IL1RAPL1: variants seen among roughly 807,000 people sequenced by gnomAD.
IL1RAPL1 encodes the protein interleukin-1 receptor accessory protein-like 1.
In IL1RAPL1, 3 loss-of-function variants were observed where a neutral mutation model predicts 48.4. The observed-to-expected ratio is 0.06, with a 90% CI of 0.03 to 0.16. The LOEUF (loss-of-function observed/expected upper bound fraction) is 0.16, where lower values mean the gene tolerates loss of function less well. Among genes scored for constraint, IL1RAPL1 ranks in the 10% least tolerant of loss-of-function variants. The pLI, the probability that IL1RAPL1 is intolerant of heterozygous loss-of-function variation, is 1.00. For missense variants in IL1RAPL1, 349 were observed against 530.6 expected, an observed-to-expected ratio of 0.66 and a Z score of 3.36; for synonymous variants, 185 against 187.7, an observed-to-expected ratio of 0.99 and a Z score of 0.12.
chrX:29,038,906 T>C (rs1008327018), intron 2 of IL1RAPL1, among the ~76,000 whole-genome samples: 1 of 111,496 alleles, frequency 9.0e-6, no homozygotes, highest in Non-Finnish European at 1.9e-5. Context: ...AATTTCAGTT[T>C]CTCTAAAGGA....
chrX:29,628,401 A>G (rs1430011685), intron 5 of IL1RAPL1, among the ~76,000 whole-genome samples: 5 of 111,959 alleles, frequency 4.5e-5, no homozygotes, highest in African/African-American at 1.6e-4. Context: ...TGCTGGTATT[A>G]TTGATGAGGG....
chrX:29,717,002 T>C (rs1179777768), intron 6 of IL1RAPL1, among the ~76,000 whole-genome samples: 2 of 111,100 alleles, frequency 1.8e-5, no homozygotes, highest in Non-Finnish European at 3.8e-5. Flanking sequence ...TATTTGCTAT[T>C]GAATATTGAT....
intron 2 of IL1RAPL1, among the ~76,000 whole-genome samples, chrX:28,963,396 A>G (rs1482945291): frequency 9.0e-6 from 1 of 111,235 alleles, no homozygotes; most frequent in Admixed American, 9.7e-5. Flanking sequence ...CATACCCCCA[A>G]TATATCTATA....
intron 8 of IL1RAPL1, among the ~76,000 whole-genome samples, 185 bp from the exon 9 acceptor site, chrX:29,941,466 T>C (rs1398816511): frequency 8.9e-6 from 1 of 112,131 alleles, no homozygotes; most frequent in Admixed American, 9.4e-5. Context: ...CTTATCTAGT[T>C]ACCAAGGAAA....
intron 5 of IL1RAPL1, among the ~76,000 whole-genome samples, chrX:29,421,088 T>C (rs1031172592): frequency 1.8e-5 from 2 of 112,059 alleles, no homozygotes; most frequent in Admixed American, 9.5e-5. Flanking sequence ...TTCAAAAAGA[T>C]TCACAATGTG....
chrX:29,682,713 C>A (rs1926495272), intron 6 of IL1RAPL1, among the ~76,000 whole-genome samples: 1 of 112,418 alleles, frequency 8.9e-6, no homozygotes, highest in Admixed American at 9.4e-5. Context: ...ATTTAGCATT[C>A]ACTCAGCTTT....
chrX:29,148,895 C>T (rs147494882), intron 2 of IL1RAPL1, among the ~76,000 whole-genome samples: 1,632 of 111,490 alleles, frequency 0.015, 37 homozygotes, highest in African/African-American at 0.05. Flanking sequence ...TAATACCAGC[C>T]TCTTTTTTGT....
At chrX:28,850,586 G>A (rs1167602364) in intron 2 of IL1RAPL1, among the ~76,000 whole-genome samples, 3 of 110,973 alleles carry the variant, frequency 2.7e-5, no homozygotes, top group Middle Eastern at 4.6e-3. Context: ...AGGTGAGATC[G>A]GTCTCTTGGC....
chrX:29,865,896 C>T (rs953626421), intron 6 of IL1RAPL1, among the ~76,000 whole-genome samples: 26 of 108,002 alleles, frequency 2.4e-4, no homozygotes, highest in Non-Finnish European at 4.4e-4. Flanking sequence ...GTGATCCACC[C>T]GCCTCGGCCT....
intron 5 of IL1RAPL1, among the ~76,000 whole-genome samples, chrX:29,633,075 A>G (rs1417777084): frequency 9.0e-6 from 1 of 111,576 alleles, no homozygotes; most frequent in African/African-American, 3.3e-5. Flanking sequence ...TAGTAGCACT[A>G]TTGGTAATAG....
chrX:29,107,018 A>G (rs1252295190), intron 2 of IL1RAPL1, among the ~76,000 whole-genome samples: 1 of 111,888 alleles, frequency 8.9e-6, no homozygotes, highest in African/African-American at 3.2e-5. Context: ...CTCTTTTTCT[A>G]TTCTTGAGCA....
At position 29,530,538 on chromosome X, in the gene IL1RAPL1, G is replaced by C. The variant is rs144139146; in HGVS notation, c.703+131230G>C. Reference sequence around the variant, plus strand: ...GGTATTTGTACACTGACCCCCATCGGTCATTGACTGAGGGCTTCTGGAGCA... The same window carrying C: ...GGTATTTGTACACTGACCCCCATCGCTCATTGACTGAGGGCTTCTGGAGCA... On this transcript the variant is annotated intron_variant, in intron 5 of 10. Coordinates refer to ENST00000378993, the MANE Select transcript of IL1RAPL1 (RefSeq NM_014271.4). Among the ~76,000 whole-genome samples the C allele has an allele frequency of 3.9e-3, 441 of 111,983 alleles. 4 individuals carry two copies. The highest frequency in any genetic ancestry group is 6.2e-3 in the Non-Finnish European group (330 of 53,167).
intron 2 of IL1RAPL1, among the ~76,000 whole-genome samples, chrX:29,173,219 C>G (rs1005907817): frequency 9.0e-6 from 1 of 110,719 alleles, no homozygotes; most frequent in African/African-American, 3.3e-5. Flanking sequence ...TATTCAGATG[C>G]CTTGTACAAA....
At chrX:29,667,366 T>C (rs1169012260) in intron 5 of IL1RAPL1, among the ~76,000 whole-genome samples, 1 of 112,437 alleles carries the variant, frequency 8.9e-6, no homozygotes, top group Admixed American at 9.4e-5. Flanking sequence ...GATAAGTATA[T>C]GTGGCCAACT....
chrX:29,918,143 A>AAT (rs1555935869), intron 7 of IL1RAPL1, among the ~76,000 whole-genome samples: 1 of 60,425 alleles, frequency 1.7e-5, no homozygotes, highest in Non-Finnish European at 2.8e-5. Context: ...AAAAAAAAAA[A>AAT]AATATATATA....
intron 5 of IL1RAPL1, among the ~76,000 whole-genome samples, chrX:29,555,327 G>A (rs186322004): frequency 7.2e-4 from 81 of 112,418 alleles, no homozygotes; most frequent in Admixed American, 1.1e-3. Context: ...AGGCCGTGAG[G>A]CAACCATTTT....
At chrX:28,965,958 ACT>A (rs1924910206) in intron 2 of IL1RAPL1, among the ~76,000 whole-genome samples, 1 of 55,815 alleles carries the variant, frequency 1.8e-5, no homozygotes, top group Non-Finnish European at 3.9e-5. Flanking sequence ...ACTAAAAAAT[ACT>A]CACGAAGCCC....
At chrX:28,930,238 T>C (rs751573520) in intron 2 of IL1RAPL1, among the ~76,000 whole-genome samples, 23 of 112,520 alleles carry the variant, frequency 2.0e-4, no homozygotes, top group Non-Finnish European at 3.8e-4. Flanking sequence ...ATTCAAAATA[T>C]AACATGCAGT....
At chrX:28,683,357 CTT>C (rs72388021) in intron 1 of IL1RAPL1, among the ~76,000 whole-genome samples, 1 of 106,122 alleles carries the variant, frequency 9.4e-6, no homozygotes, top group African/African-American at 3.4e-5. Flanking sequence ...GGAAATATCT[CTT>C]TTTTTTTTCC....
Sources: allele counts gnomAD v4.1 joint callset (sites outside exome capture counted in the v4.1 genomes callset), GRCh38; gene constraint gnomAD v4.1.1; transcripts MANE v1.5; gene names NCBI Gene and HGNC (gene_info 2026-07-23, HGNC 2026-07-21).